Variants in PDS5A observed in about 807,000 individuals in gnomAD.
PDS5A encodes sister chromatid cohesion protein PDS5 homolog A.
PDS5A carries 42 observed loss-of-function variants against 167.1 expected under a neutral mutation model. The ratio of observed to expected loss-of-function variants is 0.25; its 90% CI spans 0.20 to 0.33. The LOEUF is 0.33. Among genes scored for constraint, PDS5A ranks in the 10% least tolerant of loss-of-function variants. The probability of loss-of-function intolerance (pLI) is 1.00; values close to 1 mark genes in which losing one functional copy is unlikely to be tolerated. For missense variants in PDS5A, 1,033 were observed against 1,605.9 expected, an observed-to-expected ratio of 0.64 and a Z score of 6.10; for synonymous variants, 553 against 554.6, an observed-to-expected ratio of 1.00 and a Z score of 0.04.
At chr4:39,893,283 T>C (rs1722126178) in intron 16 of PDS5A, among the ~76,000 whole-genome samples, 1 of 152,090 alleles carries the variant, frequency 6.6e-6, no homozygotes, top group Non-Finnish European at 1.5e-5. Flanking sequence ...AATCTATATA[T>C]CACATTTCAA....
rs1731283407 is a variant in PDS5A at position 39,977,887 on chromosome 4, T to TCACGCGAGCGGCGCGAGAG, written c.-490_-472dup. On this transcript the variant is annotated 5_prime_UTR_variant, in exon 1 of 33. Transcript: ENST00000303538. The surrounding 1 kb of genome is among the most constrained non-coding windows in gnomAD (Gnocchi z 4.2). ...GGGGCCTCGCGCACACACCGGCCGG[T>TCACGCGAGCGGCGCGAGAG]CACGCGAGCGGCGCGAGAGCACGCG... The TCACGCGAGCGGCGCGAGAG allele has an allele frequency of 6.7e-6, 1 of 149,918 alleles. No individual in the cohort carries two copies. The highest frequency in any genetic ancestry group is 6.6e-5 in the Admixed American group (1 of 15,064). 9.3% of individuals were successfully genotyped at this position (149,918 alleles called of 1,614,324 possible). A position where few individuals can be genotyped will look rare whatever the true frequency, so the allele number is the denominator to read the frequency against.
chr4:39,973,138 G>A (rs1730719146), intron 2 of PDS5A: 3 of 868,480 alleles, frequency 3.5e-6, no homozygotes, highest in Admixed American at 1.7e-5. Flanking sequence ...TTAAACAGCA[G>A]GAACACCAAT....
At chr4:39,905,680 A>G (rs1723273684) in intron 11 of PDS5A, among the ~76,000 whole-genome samples, 2 of 152,226 alleles carry the variant, frequency 1.3e-5, no homozygotes. Context: ...AACAGGACTC[A>G]GCAGAAACAG....
chr4:39,953,301 G>A (rs1044180875), intron 2 of PDS5A, among the ~76,000 whole-genome samples: 32 of 152,222 alleles, frequency 2.1e-4, no homozygotes, highest in African/African-American at 7.7e-4. Flanking sequence ...TGGGGTAACT[G>A]ATCTCAACTA....
intron 2 of PDS5A, among the ~76,000 whole-genome samples, chr4:39,954,677 A>T (rs997122772): frequency 1.3e-5 from 2 of 150,270 alleles, no homozygotes; most frequent in African/African-American, 2.4e-5. Context: ...AAGTAAAAAA[A>T]AAAAAAAAAA....
intron 18 of PDS5A, among the ~76,000 whole-genome samples, chr4:39,877,808 T>G (rs1471803584): frequency 6.6e-6 from 1 of 152,088 alleles, no homozygotes; most frequent in Non-Finnish European, 1.5e-5. Context: ...GGTCTAGCTA[T>G]GTTGCCCAGG....
At chr4:39,928,265 G>A (rs995735729) in intron 2 of PDS5A, 101 bp from the exon 3 acceptor site, 8 of 683,768 alleles carry the variant, frequency 1.2e-5, no homozygotes, top group Non-Finnish European at 1.7e-5. Context: ...ATTAGCAATC[G>A]GTGGCCACCA....
At chr4:39,902,607 C>CT (rs1426856548) in intron 12 of PDS5A, 147 bp from the exon 13 acceptor site, 4 of 505,004 alleles carry the variant, frequency 7.9e-6, no homozygotes, top group Admixed American at 3.8e-5. Context: ...AATGCAACCT[C>CT]TGTCTCGCAG....
At chr4:39,883,406 C>T (rs930881827) in intron 17 of PDS5A, among the ~76,000 whole-genome samples, 2 of 152,178 alleles carry the variant, frequency 1.3e-5, no homozygotes, top group African/African-American at 4.8e-5. Flanking sequence ...GTCTTGAACT[C>T]CTGACCGCAG....
At chr4:39,878,134 AAG>A (rs1411181097) in intron 18 of PDS5A, among the ~76,000 whole-genome samples, 2 of 152,280 alleles carry the variant, frequency 1.3e-5, no homozygotes, top group African/African-American at 4.8e-5. Flanking sequence ...AGCAGGGAGA[AAG>A]GGGAATGAGC....
At chr4:39,855,452 A>C (rs1718456765) in intron 26 of PDS5A, among the ~76,000 whole-genome samples, 2 of 152,236 alleles carry the variant, frequency 1.3e-5, no homozygotes, top group East Asian at 3.8e-4. Context: ...AATCACATAA[A>C]GAATCAGGCA....
At chr4:39,828,450 A>G (rs555698001) in intron 32 of PDS5A, among the ~76,000 whole-genome samples, 16 of 152,320 alleles carry the variant, frequency 1.1e-4, no homozygotes, top group African/African-American at 3.8e-4. Context: ...TGTTTTGAGT[A>G]AAAACCTAGT....
At chr4:39,908,256 A>G in intron 11 of PDS5A, 139 bp downstream of exon 11, 1 of 736,502 alleles carries the variant, frequency 1.4e-6, no homozygotes, top group Non-Finnish European at 2.4e-6. Flanking sequence ...CAGGAAACAT[A>G]CAAATTAGGA....
At chr4:39,896,055 T>C (rs1722386641) in intron 16 of PDS5A, among the ~76,000 whole-genome samples, 1 of 140,780 alleles carries the variant, frequency 7.1e-6, no homozygotes, top group Admixed American at 7.2e-5. Context: ...TTTAAAAAAA[T>C]TTTTGGAGAC....
In PDS5A at chr4:39,938,480, G is replaced by T. The variant is rs1726866471; in HGVS notation, c.139-10316C>A. 7.2e-5 allele frequency among the ~76,000 whole-genome samples: 11 copies of T among 152,068 alleles called. No individual in the cohort carries two copies. In the South Asian group the frequency reaches 2.3e-3, roughly 32 times the overall value. ...TGAGGCAGGAGAATCACTTGAACCG[G>T]GAGGCGGAGGTTGTAGTGAGCCAAG... On this transcript the variant is annotated intron_variant, in intron 2 of 32. Transcript: ENST00000303538.
At chr4:39,913,782 AT>A in intron 8 of PDS5A, 56 bp from the exon 9 acceptor site, 1 of 906,106 alleles carries the variant, frequency 1.1e-6, no homozygotes, top group Non-Finnish European at 1.9e-6. Context: ...ATTACAGAAA[AT>A]ATCTTGAAAC....
intron 22 of PDS5A, chr4:39,868,708 C>T (rs898140868): frequency 4.6e-5 from 21 of 453,852 alleles, no homozygotes; most frequent in African/African-American, 3.0e-4. Context: ...TGGGCTCAAG[C>T]GATCCTCCTG....
chr4:39,961,093 GCCA>G, intron 2 of PDS5A, among the ~76,000 whole-genome samples: 1 of 152,236 alleles, frequency 6.6e-6, no homozygotes, highest in African/African-American at 2.4e-5. Context: ...ACAGGCATGA[GCCA>G]CCACAACTAG....
rs990285961 is a variant in PDS5A at position 39,862,388 on chromosome 4, G to A, written c.2972-55C>T. 33 of 718,036 alleles carry A rather than the reference G, an allele frequency of 4.6e-5. No individual in the cohort carries two copies. The Admixed American group carries it at 5.5e-4, about 12-fold the overall frequency. The allele number at this position is 718,036 out of a possible 1,614,324, so 44.5% of individuals were successfully genotyped here. ...TTTATAAAATGCCTTAGTGGACTGA[G>A]TTCTAACCACTTAAGTTTTCATTTT... On this transcript the variant is annotated intron_variant, in intron 25 of 32. Transcript: ENST00000303538.
Sources: gnomAD v4.1 joint callset for allele counts (sites outside exome capture counted in the v4.1 genomes callset) on GRCh38, gnomAD v4.1.1 for gene constraint, Gnocchi (gnomAD v3.1) non-coding constraint, MANE v1.5 for transcripts, NCBI Gene and HGNC (gene_info 2026-07-23, HGNC 2026-07-21) for gene names.